Variants in TRIQK observed in about 807,000 individuals in gnomAD.
TRIQK encodes triple QxxK/R motif-containing protein.
TRIQK carries 10 observed loss-of-function variants against 10.8 expected under a neutral mutation model. The ratio of observed to expected loss-of-function variants is 0.92; its 90% confidence interval spans 0.57 to 1.57. The LOEUF (loss-of-function observed/expected upper bound fraction) is 1.57, where lower values mean the gene tolerates loss of function less well. Among genes scored for constraint, TRIQK ranks in the 40% most tolerant of loss-of-function variants. The pLI, the probability that TRIQK is intolerant of heterozygous loss-of-function variation, is 0.00. For missense variants in TRIQK, 107 were observed against 97.7 expected (o/e 1.09, Z -0.40); for synonymous variants, 33 against 33.7 (o/e 0.98, Z 0.07).
At chr8:92,887,893 T>A (rs1816568496) in intron 4 of TRIQK, among the ~76,000 whole-genome samples, 1 of 151,672 alleles carries the variant, frequency 6.6e-6, no homozygotes, top group Non-Finnish European at 1.5e-5. Context: ...TAAATATTAA[T>A]AAAAACCAAG....
At chr8:93,014,079 T>C (rs1448093075) in intron 1 of TRIQK, among the ~76,000 whole-genome samples, 2 of 152,092 alleles carry the variant, frequency 1.3e-5, no homozygotes, top group Admixed American at 6.6e-5. Flanking sequence ...TAAAAAATGG[T>C]TAAACAAAAT....
intron 2 of TRIQK, among the ~76,000 whole-genome samples, chr8:92,921,859 C>A (rs1050039246): frequency 6.6e-6 from 1 of 151,710 alleles, no homozygotes; most frequent in Admixed American, 6.6e-5. Context: ...TGAAATCTGT[C>A]CAGACAAAAT....
At chr8:92,919,491 A>G (rs1810056186) in intron 2 of TRIQK, among the ~76,000 whole-genome samples, 1 of 151,892 alleles carries the variant, frequency 6.6e-6, no homozygotes, top group African/African-American at 2.4e-5. Flanking sequence ...GCGTGATCCA[A>G]CTTGATCATG....
chr8:93,005,339 C>T (rs1009909530), intron 1 of TRIQK, among the ~76,000 whole-genome samples: 1 of 152,140 alleles, frequency 6.6e-6, no homozygotes, highest in African/African-American at 2.4e-5. Context: ...CTCATGATAA[C>T]TCACTCACTA....
intron 1 of TRIQK, among the ~76,000 whole-genome samples, chr8:92,994,497 CCATT>C (rs1813132802): frequency 6.6e-6 from 1 of 151,872 alleles, no homozygotes; most frequent in South Asian, 2.1e-4. Flanking sequence ...AAAATCCAGT[CCATT>C]CATATTTAGA....
chr8:92,999,587 A>G (rs1311902428), intron 1 of TRIQK, among the ~76,000 whole-genome samples: 1 of 152,202 alleles, frequency 6.6e-6, no homozygotes, highest in African/African-American at 2.4e-5. Flanking sequence ...AATCTCCAAA[A>G]AAATCATTTT....
chr8:92,971,591 A>C (rs1423957157), intron 1 of TRIQK, among the ~76,000 whole-genome samples: 1 of 152,202 alleles, frequency 6.6e-6, no homozygotes, highest in Non-Finnish European at 1.5e-5. Context: ...CTAACAAGGG[A>C]TGTGAAGGAC....
intron 1 of TRIQK, among the ~76,000 whole-genome samples, chr8:92,997,817 C>CT (rs976516803): frequency 6.6e-6 from 1 of 151,876 alleles, no homozygotes; most frequent in African/African-American, 2.4e-5. Context: ...CACCTTTGGG[C>CT]TTTTTTAAAA....
chr8:92,978,933 A>G (rs1812958134), intron 1 of TRIQK, among the ~76,000 whole-genome samples: 1 of 152,112 alleles, frequency 6.6e-6, no homozygotes, highest in Admixed American at 6.6e-5. Context: ...ACTAGTGGAA[A>G]TACAGCTGAT....
At chr8:92,910,931 CAAT>C (rs1168146942) in intron 3 of TRIQK, among the ~76,000 whole-genome samples, 4 of 151,078 alleles carry the variant, frequency 2.6e-5, no homozygotes, top group Non-Finnish European at 5.9e-5. Flanking sequence ...AAAAAGTACA[CAAT>C]AGAGTTGAAA....
intron 1 of TRIQK, chr8:92,965,689 G>GAACCGCGCGTTCCTTAGC: frequency 6.6e-6 from 1 of 152,572 alleles, no homozygotes; most frequent in East Asian, 1.9e-4. Context: ...GGCAGGGCGG[G>GAACCGCGCGTTCCTTAGC]AACCGCGCGT....
At chr8:92,903,010 T>G (rs750147698) in intron 3 of TRIQK, among the ~76,000 whole-genome samples, 14 of 152,006 alleles carry the variant, frequency 9.2e-5, no homozygotes, top group South Asian at 6.2e-4. Flanking sequence ...TATTTTTAAA[T>G]ATATTCTAAA....
chr8:92,999,209 T>G lies in TRIQK; in HGVS notation c.-181+18400A>C, dbSNP rs539536614. ...TTACTTGCCCTTGTTGAATACTAGC[T>G]ATTGCTGTTTATTAAACCTATGTTA... is the stretch of plus-strand genomic sequence containing the variant. On this transcript the variant is annotated intron_variant, in intron 1 of 4. Transcript: ENST00000520686. Among the ~76,000 whole-genome samples the G allele has an allele frequency of 5.9e-5, 9 of 152,308 alleles. No homozygotes were observed. The South Asian group carries it at 1.9e-3, about 32-fold the overall frequency.
At chr8:92,978,393 T>G (rs928679564) in intron 1 of TRIQK, among the ~76,000 whole-genome samples, 1 of 152,180 alleles carries the variant, frequency 6.6e-6, no homozygotes, top group African/African-American at 2.4e-5. Flanking sequence ...TGTCCAAATT[T>G]TCAGTGATTT....
chr8:92,917,510 TTAATG>T (rs1220357737), intron 2 of TRIQK, among the ~76,000 whole-genome samples: 3 of 152,036 alleles, frequency 2.0e-5, no homozygotes. Flanking sequence ...TCTGCCCCTC[TTAATG>T]TAAACAATAA....
chr8:93,014,104 T>C (rs1329667935), intron 1 of TRIQK, among the ~76,000 whole-genome samples: 2 of 152,182 alleles, frequency 1.3e-5, no homozygotes, highest in East Asian at 3.8e-4. Context: ...AACAGCAGGA[T>C]TAACTTTCTA....
rs1816342594 is a variant in TRIQK at position 92,884,052 on chromosome 8, T to C, written c.*2570A>G. On this transcript the variant is annotated 3_prime_UTR_variant, in exon 5 of 5. Transcript: ENST00000521988. ...GTTGAAATTTATTTTGCAGAGTATG[T>C]TAACAAACATATTCTAACACTTAAA... The C allele has an allele frequency of 6.6e-6, 1 of 151,820 alleles. No homozygotes were observed. The highest frequency in any genetic ancestry group is 2.1e-4 in the South Asian group (1 of 4,828). The allele number at this position is 151,820 out of a possible 1,614,324, so 9.4% of individuals were successfully genotyped here.
chr8:93,011,645 G>A (rs918885410), intron 1 of TRIQK, among the ~76,000 whole-genome samples: 2 of 152,092 alleles, frequency 1.3e-5, no homozygotes, highest in Non-Finnish European at 2.9e-5. Flanking sequence ...AAAAACATAT[G>A]AGTAGGGAAA....
At chr8:92,965,529 G>T (rs1812692579) in intron 1 of TRIQK, 1 of 152,362 alleles carries the variant, frequency 6.6e-6, no homozygotes. Flanking sequence ...CCCCAAAAGG[G>T]AACGGCAGAA....
Sources: allele counts gnomAD v4.1 joint callset (sites outside exome capture counted in the v4.1 genomes callset), GRCh38; gene constraint gnomAD v4.1.1; transcripts MANE v1.5; gene names NCBI Gene and HGNC (gene_info 2026-07-23, HGNC 2026-07-21).